Variants in WDR59 observed in about 807,000 individuals in gnomAD.
The protein encoded by WDR59 is GATOR2 complex protein WDR59.
Under a neutral mutation model 131.2 loss-of-function variants are expected in WDR59, and 100 were observed. The ratio of observed to expected loss-of-function variants is 0.76; its 90% confidence interval spans 0.65 to 0.90. WDR59 has a LOEUF of 0.90. Among genes scored for constraint, WDR59 ranks in the 40% least tolerant of loss-of-function variants. The probability of loss-of-function intolerance (pLI) is 0.00; values close to 1 mark genes in which losing one functional copy is unlikely to be tolerated. For synonymous variants in WDR59, 601 were observed against 466.2 expected, an observed-to-expected ratio of 1.29 and a Z score of -3.72; for missense variants, 1,203 against 1,262.2, an observed-to-expected ratio of 0.95 and a Z score of 0.71.
intron 25 of WDR59, 132 bp downstream of exon 25, chr16:74,885,521 G>C: frequency 1.1e-6 from 1 of 892,454 alleles, no homozygotes; most frequent in Non-Finnish European, 1.5e-6. Context: ...GCTTGGAATA[G>C]ACTCAAAATG....
At chr16:74,917,895 G>T (rs1966469148) in intron 11 of WDR59, 34 bp downstream of exon 11, 1 of 1,583,922 alleles carries the variant, frequency 6.3e-7, no homozygotes, top group Non-Finnish European at 8.7e-7. Context: ...GGTGGATTCA[G>T]GTACATTTCT....
chr16:74,903,737 A>AT (rs985576087), intron 18 of WDR59, among the ~76,000 whole-genome samples: 6 of 152,178 alleles, frequency 3.9e-5, no homozygotes, highest in African/African-American at 1.4e-4. Flanking sequence ...ATTACGGACC[A>AT]TAAGAACGGC....
chr16:74,962,756 A>C (rs1008568485), intron 2 of WDR59: 4 of 143,250 alleles, frequency 2.8e-5, no homozygotes, highest in African/African-American at 7.5e-5. Context: ...CTTCCTCTCT[A>C]TTTATTTTTT....
At chr16:74,903,745 G>A (rs9939371) in intron 18 of WDR59, among the ~76,000 whole-genome samples, 29 of 151,854 alleles carry the variant, frequency 1.9e-4, no homozygotes, top group Admixed American at 3.9e-4. Context: ...CCATAAGAAC[G>A]GCCCCCTGAC....
At position 74,938,261 on chromosome 16, in the gene WDR59, G is replaced by A. The variant is rs750417210; in HGVS notation, c.540C>T (p.Pro180=). 1.1e-5 allele frequency: 17 copies of A among 1,531,400 alleles called. No individual in the cohort carries two copies. The highest frequency in any genetic ancestry group is 2.1e-5 in the Admixed American group (1 of 47,000). 94.9% of individuals were successfully genotyped at this position (1,531,400 alleles called of 1,614,324 possible). ...CGGCTAGATATTCCACTGCTGTACT[G>A]GGTTTCTGCAACAGATCAGCACCTA... is the stretch of plus-strand genomic sequence containing the variant. ...GDVRIWDKRK[P]STAVEYLAAH... The change falls in exon 8 of 26, where the codon CCC becomes CCT. Residue 180 remains proline (P), a synonymous_variant. Coordinates refer to ENST00000262144, the MANE Select transcript of WDR59 (RefSeq NM_030581.4).
At position 74,889,690 on chromosome 16, in the gene WDR59, T is replaced by C; in HGVS notation, c.2195+13A>G. The C allele has an allele frequency of 6.2e-7, 1 of 1,604,560 alleles. No homozygotes were observed. The highest frequency in any genetic ancestry group is 8.5e-7 in the Non-Finnish European group (1 of 1,175,866). ...ATCACTCATTTTTCTCATTTTTAGC[T>C]CTCAAAACCTACAGGGACTCCAGCA... On this transcript the variant is annotated intron_variant, in intron 21 of 25. Transcript: ENST00000262144.
At chr16:74,946,303 T>C (rs1050369964) in intron 6 of WDR59, among the ~76,000 whole-genome samples, 3 of 152,194 alleles carry the variant, frequency 2.0e-5, no homozygotes, top group African/African-American at 7.2e-5. Flanking sequence ...AATGGGGGTC[T>C]TGGACTGTGT....
chr16:74,978,395 G>A (rs769053158), intron 1 of WDR59, among the ~76,000 whole-genome samples: 19 of 151,486 alleles, frequency 1.3e-4, no homozygotes, highest in Non-Finnish European at 2.2e-4. Context: ...AGGAGGCTGA[G>A]ATGGGAGGAC....
chr16:74,951,157 C>G (rs1034140340), intron 4 of WDR59, among the ~76,000 whole-genome samples: 2 of 86,074 alleles, frequency 2.3e-5, no homozygotes, highest in Non-Finnish European at 4.0e-5. Context: ...GAGACTTCGT[C>G]TCAAAAAAAA....
chr16:74,906,085 C>T (rs1377526024), intron 17 of WDR59, among the ~76,000 whole-genome samples: 4 of 151,788 alleles, frequency 2.6e-5, no homozygotes, highest in African/African-American at 4.8e-5. Flanking sequence ...GAGGCCGAGG[C>T]AGGCAGATCA....
intron 18 of WDR59, among the ~76,000 whole-genome samples, chr16:74,894,883 C>T (rs1276996480): frequency 2.0e-5 from 3 of 152,134 alleles, no homozygotes; most frequent in Non-Finnish European, 2.9e-5. Context: ...AATGAAGAGG[C>T]AGGGGTGCAA....
chr16:74,943,240 CTTT>C (rs3064646), intron 6 of WDR59, among the ~76,000 whole-genome samples: 11 of 146,638 alleles, frequency 7.5e-5, no homozygotes, highest in Admixed American at 2.7e-4. Flanking sequence ...TGCCTGCCCC[CTTT>C]TTTTTTTTTT....
rs371980149 is a variant in WDR59 at position 74,885,781 on chromosome 16, G to T, written c.2561C>A (p.Ala854Asp). The T allele has an allele frequency of 6.2e-7, 1 of 1,613,948 alleles. No individual in the cohort carries two copies. The highest frequency in any genetic ancestry group is 8.5e-7 in the Non-Finnish European group (1 of 1,179,958). ...AAAGTCATCAAATTGCTGGGTATTG[G>T]CGGGGTCCAGGAGCCTGGATAAAGT... is the stretch of plus-strand genomic sequence containing the variant. ...HDKNKRLLDP[A>D]NTQQFDDFKK... Residue 854 changes from alanine to aspartate, a missense_variant, in exon 25 of 26, where the codon GCC becomes GAC. By Grantham distance (126) the Ala-to-Asp change is moderately radical (BLOSUM62 -2). Coordinates refer to ENST00000262144, the MANE Select transcript of WDR59 (RefSeq NM_030581.4).
At chr16:74,970,772 C>A (rs2033952380) in intron 1 of WDR59, among the ~76,000 whole-genome samples, 1 of 152,016 alleles carries the variant, frequency 6.6e-6, no homozygotes, top group South Asian at 2.1e-4. Context: ...ATGGTTGCAG[C>A]TGGGCATGGT....
intron 18 of WDR59, among the ~76,000 whole-genome samples, chr16:74,896,354 G>C (rs1455303498): frequency 6.6e-6 from 1 of 152,210 alleles, no homozygotes; most frequent in East Asian, 1.9e-4. Flanking sequence ...CATGGGCCAA[G>C]TGCAGTGGCT....
At chr16:74,899,900 G>A (rs1393931782) in intron 18 of WDR59, 13 of 579,478 alleles carry the variant, frequency 2.2e-5, no homozygotes, top group Middle Eastern at 6.7e-4. Flanking sequence ...GGATGGGAAC[G>A]ACTAAAAAAT....
chr16:74,957,021 CT>C (rs1175526501), intron 2 of WDR59, among the ~76,000 whole-genome samples: 2 of 151,652 alleles, frequency 1.3e-5, no homozygotes, highest in Non-Finnish European at 2.9e-5. Context: ...ATTTAAGGCT[CT>C]TGTCCTGAAT....
intron 25 of WDR59, among the ~76,000 whole-genome samples, chr16:74,884,266 G>A (rs1475726219): frequency 6.6e-6 from 1 of 152,208 alleles, no homozygotes; most frequent in Non-Finnish European, 1.5e-5. Context: ...GAAGGCCACA[G>A]TGACCCTCTT....
chr16:74,901,293 C>G (rs1028690939), intron 18 of WDR59, among the ~76,000 whole-genome samples: 1 of 151,728 alleles, frequency 6.6e-6, no homozygotes, highest in East Asian at 1.9e-4. Flanking sequence ...CACTATACTT[C>G]CCTCATTGCT....
Sources: gnomAD v4.1 joint callset for allele counts (sites outside exome capture counted in the v4.1 genomes callset) on GRCh38, gnomAD v4.1.1 for gene constraint, MANE v1.5 for transcripts, NCBI Gene and HGNC (gene_info 2026-07-23, HGNC 2026-07-21) for gene names.